Variants in TCEA1 observed in about 807,000 individuals in gnomAD.
TCEA1 encodes the protein transcription elongation factor A1.
In TCEA1, 21 loss-of-function variants were observed where a neutral mutation model predicts 43.8. The observed-to-expected ratio is 0.48, with a 90% CI of 0.34 to 0.69. The LOEUF (loss-of-function observed/expected upper bound fraction) is 0.69, where lower values mean the gene tolerates loss of function less well. Ranked by LOEUF, TCEA1 falls within the 30% of genes least tolerant of loss-of-function variation. The pLI is 0.01. For missense variants in TCEA1, 250 were observed against 365.1 expected (o/e 0.68, Z 2.57); for synonymous variants, 104 against 117.5 (o/e 0.88, Z 0.75).
chr8:53,986,314 A>G (rs1367171808), intron 6 of TCEA1, among the ~76,000 whole-genome samples: 2 of 152,208 alleles, frequency 1.3e-5, no homozygotes, highest in Non-Finnish European at 2.9e-5. Context: ...CTAGCCTGTG[A>G]TGAACATATA....
intron 8 of TCEA1, 199 bp downstream of exon 8, chr8:53,978,826 C>A: frequency 3.9e-6 from 2 of 506,436 alleles, no homozygotes; most frequent in South Asian, 3.8e-5. Flanking sequence ...CTTATCAGTA[C>A]ATATGTATCG....
chr8:54,013,540 G>A lies in TCEA1; in HGVS notation c.64-3048C>T, dbSNP rs140312260. Among the ~76,000 whole-genome samples the A allele has an allele frequency of 6.8e-3, 1,032 of 151,820 alleles. 18 individuals carry two copies. The highest frequency in any genetic ancestry group is 0.02 in the African/African-American group (827 of 41,416). Reference sequence around the variant, plus strand: ...CTAAAAATACAAAAATTAGCGGGGCGTGGTGGCGGGCACCTGTAATCCCAC... The same window carrying A: ...CTAAAAATACAAAAATTAGCGGGGCATGGTGGCGGGCACCTGTAATCCCAC... On this transcript the variant is annotated intron_variant, in intron 1 of 9. Transcript: ENST00000521604.
At chr8:54,007,393 C>T (rs1323149188) in intron 2 of TCEA1, among the ~76,000 whole-genome samples, 1 of 152,086 alleles carries the variant, frequency 6.6e-6, no homozygotes, top group East Asian at 1.9e-4. Flanking sequence ...GTTGCCCAGG[C>T]TGGTCTTGAA....
At chr8:53,999,249 A>G (rs1804172848) in intron 3 of TCEA1, among the ~76,000 whole-genome samples, 3 of 151,088 alleles carry the variant, frequency 2.0e-5, no homozygotes, top group African/African-American at 7.3e-5. Context: ...AAAAAAAAGA[A>G]AGAAAACTAG....
chr8:54,018,167 T>A (rs957374790), intron 1 of TCEA1, among the ~76,000 whole-genome samples: 7 of 152,218 alleles, frequency 4.6e-5, no homozygotes, highest in African/African-American at 1.7e-4. Context: ...CTTGGAAATG[T>A]AAATCAATAT....
chr8:53,995,076 G>A (rs1316565911), intron 3 of TCEA1, among the ~76,000 whole-genome samples: 3 of 152,040 alleles, frequency 2.0e-5, no homozygotes, highest in African/African-American at 7.2e-5. Flanking sequence ...TGAGGCAGGT[G>A]GATCACTTGA....
intron 3 of TCEA1, among the ~76,000 whole-genome samples, chr8:53,996,078 G>A (rs150263498): frequency 4.6e-5 from 7 of 152,328 alleles, no homozygotes; most frequent in African/African-American, 1.4e-4. Context: ...GCATTTAAAA[G>A]GGAAAACTGA....
chr8:54,017,423 G>A (rs1011248733), intron 1 of TCEA1, among the ~76,000 whole-genome samples: 3 of 152,096 alleles, frequency 2.0e-5, no homozygotes, highest in Admixed American at 6.6e-5. Flanking sequence ...CCTTTACGAC[G>A]ACACATTTCC....
At chr8:54,021,091 A>T (rs1763474254) in intron 1 of TCEA1, among the ~76,000 whole-genome samples, 1 of 152,190 alleles carries the variant, frequency 6.6e-6, no homozygotes, top group Non-Finnish European at 1.5e-5. Flanking sequence ...CGGGAGGCTG[A>T]GGCAGGAGAA....
intron 3 of TCEA1, among the ~76,000 whole-genome samples, chr8:53,999,300 A>G (rs2129308366): frequency 6.6e-6 from 1 of 151,996 alleles, no homozygotes; most frequent in African/African-American, 2.4e-5. Context: ...AAGGTAGAAA[A>G]ACAAAAGAAC....
intron 8 of TCEA1, chr8:53,972,279 G>A: frequency 2.4e-6 from 1 of 418,494 alleles, no homozygotes; most frequent in Non-Finnish European, 4.7e-6. Flanking sequence ...TTCAGGTGAT[G>A]ATGACAATGG....
In TCEA1 at chr8:53,977,496, A is replaced by G. The variant is rs1803368869; in HGVS notation, c.825+1529T>C. Among the ~76,000 whole-genome samples, 3 of 152,208 alleles carry G rather than the reference A, an allele frequency of 2.0e-5. No homozygotes were observed. The South Asian group carries it at 6.2e-4, about 32-fold the overall frequency. On this transcript the variant is annotated intron_variant, in intron 8 of 9. Coordinates refer to ENST00000521604, the MANE Select transcript of TCEA1 (RefSeq NM_006756.4). The stretch of plus-strand genomic sequence containing the variant: ...TACTTTTTCAATTTTTAACCACAAA[A>G]ATAACTACCAACAAAATTTGTTTTA...
At chr8:53,993,410 C>G (rs1351058786) in intron 4 of TCEA1, 7 of 277,074 alleles carry the variant, frequency 2.5e-5, no homozygotes, top group African/African-American at 6.6e-5. Context: ...TCAGTGCCTA[C>G]CCCAGCAATC....
intron 2 of TCEA1, among the ~76,000 whole-genome samples, chr8:54,001,181 T>C (rs1363276602): frequency 6.6e-6 from 1 of 151,958 alleles, no homozygotes; most frequent in African/African-American, 2.4e-5. Context: ...GGATGATAAA[T>C]AAAAAATGGT....
chr8:54,015,937 T>C (rs114284778), intron 1 of TCEA1, among the ~76,000 whole-genome samples: 1,588 of 152,282 alleles, frequency 0.01, 29 homozygotes, highest in African/African-American at 0.036. Flanking sequence ...ATGCTCAACA[T>C]TGTTAATCAC....
chr8:53,973,129 A>G (rs1803215437), intron 8 of TCEA1: 3 of 608,756 alleles, frequency 4.9e-6, no homozygotes, highest in Non-Finnish European at 9.4e-6. Context: ...CTACAAGGTG[A>G]TGATGAAGTC....
intron 1 of TCEA1, 108 bp downstream of exon 1, chr8:54,021,955 G>T: frequency 1.7e-6 from 2 of 1,154,464 alleles, no homozygotes; most frequent in South Asian, 2.4e-5. Context: ...CCGGCTCCCA[G>T]ACGGGAGGCT....
chr8:53,985,139 G>A (rs959946269), intron 6 of TCEA1, among the ~76,000 whole-genome samples: 9 of 151,880 alleles, frequency 5.9e-5, no homozygotes, highest in East Asian at 2.0e-4. Context: ...TCAGCCTCCC[G>A]AGTAGCTGCT....
chr8:53,993,258 A>G (rs2129305940), intron 4 of TCEA1: 2 of 152,820 alleles, frequency 1.3e-5, no homozygotes, highest in Middle Eastern at 3.4e-3. Context: ...GCCTAGCCAC[A>G]AATTGCTAAA....
Sources: gnomAD v4.1 joint callset for allele counts (sites outside exome capture counted in the v4.1 genomes callset) on GRCh38, gnomAD v4.1.1 for gene constraint, MANE v1.5 for transcripts, NCBI Gene and HGNC (gene_info 2026-07-23, HGNC 2026-07-21) for gene names.